LPAR4: variants seen among roughly 807,000 people sequenced by gnomAD.
LPAR4 encodes the protein G-protein coupled receptor 23.
Under a neutral mutation model 9.2 loss-of-function variants are expected in LPAR4, and 14 were observed. The observed-to-expected ratio is 1.51, with a 90% CI of 1.00 to 2.37. The LOEUF is 2.37. Among genes scored for constraint, LPAR4 ranks in the 30% most tolerant of loss-of-function variants. The probability of loss-of-function intolerance (pLI) is 0.00; values close to 1 mark genes in which losing one functional copy is unlikely to be tolerated. For missense variants in LPAR4, 251 were observed against 272.1 expected, an observed-to-expected ratio of 0.92 and a Z score of 0.55; for synonymous variants, 131 against 97.9, an observed-to-expected ratio of 1.34 and a Z score of -1.99.
At chrX:78,748,055 G>T (rs1286344990) in intron 1 of LPAR4, 21 bp downstream of exon 1, 1 of 110,438 alleles carries the variant, frequency 9.1e-6, no homozygotes, top group Non-Finnish European at 1.9e-5. Context: ...CTTTTAAAAA[G>T]ATTTGATTTT....
chrX:78,754,974 T>C lies in LPAR4; in HGVS notation c.105T>C (p.Asp35=). 1 of 1,209,059 alleles carries C rather than the reference T, an allele frequency of 8.3e-7. No homozygotes were observed. Among genetic ancestry groups the C allele is most frequent in the Non-Finnish European group, 1.1e-6 (1 of 893,240 alleles). ...CCAATAATACTTGCATTGTTGATGA[T>C]TCCTTCAAGTATAATCTCAATGGTG... ...ATANNTCIVD[D]SFKYNLNGAV... is the part of the protein sequence containing the mutation. The change falls in exon 5 of 5, where the codon GAT becomes GAC. Residue 35 remains aspartate, a synonymous_variant. Coordinates refer to ENST00000614823, the MANE Select transcript of LPAR4 (RefSeq NM_001278000.3).
At chrX:78,754,703 TC>T in intron 4 of LPAR4, 87 bp from the exon 5 acceptor site, 1 of 419,527 alleles carries the variant, frequency 2.4e-6, no homozygotes. Context: ...CATGTTTTCT[TC>T]CAATCTGGGT....
chrX:78,750,705 T>TCCTCTTC (rs1313684914), intron 2 of LPAR4, 25 bp from the exon 3 acceptor site: 3 of 109,659 alleles, frequency 2.7e-5, no homozygotes, highest in East Asian at 5.7e-4. Flanking sequence ...CAGTCATCTT[T>TCCTCTTC]CCTCTTCCCT....
In LPAR4 at chrX:78,758,205, A is replaced by G. The variant is rs1201627180; in HGVS notation, c.*2223A>G. Among the ~76,000 whole-genome samples the G allele has an allele frequency of 4.5e-5, 5 of 112,107 alleles. No individual in the cohort carries two copies. Among genetic ancestry groups the G allele is most frequent in the African/African-American group, 6.5e-5 (2 of 30,989 alleles). On this transcript the variant is annotated 3_prime_UTR_variant, in exon 5 of 5. Coordinates refer to ENST00000614823, the MANE Select transcript of LPAR4 (RefSeq NM_001278000.3). Reference sequence around the variant, plus strand: ...TGAAAAGAGGCTATAGATGGAATATATAAGGCATTAGATTCAGTTAAATAA... The same window carrying G: ...TGAAAAGAGGCTATAGATGGAATATGTAAGGCATTAGATTCAGTTAAATAA...
In LPAR4 at chrX:78,757,309, A is replaced by G. The variant is rs1013830606; in HGVS notation, c.*1327A>G. Among the ~76,000 whole-genome samples, 5 of 111,316 alleles carry G rather than the reference A, an allele frequency of 4.5e-5. No homozygotes were observed. The highest frequency in any genetic ancestry group is 1.6e-4 in the African/African-American group (5 of 30,749). ...CTGGTTAGGAACAAGTTGTGGGAAA[A>G]AAAGGTCAAAAATCAAACTGCGATA... On this transcript the variant is annotated 3_prime_UTR_variant, in exon 5 of 5. Transcript: ENST00000614823.
At chrX:78,750,132 G>A (rs1010035819) in intron 1 of LPAR4, 42 bp from the exon 2 acceptor site, 1 of 111,706 alleles carries the variant, frequency 9.0e-6, no homozygotes, top group African/African-American at 3.3e-5. Flanking sequence ...TTTCCTTTAC[G>A]ATAAACCAAT....
chrX:78,755,002 G>A lies in LPAR4; in HGVS notation c.133G>A (p.Val45Ile), dbSNP rs148919808. Residue 45 changes from valine to isoleucine, a missense_variant, in exon 5 of 5, where the codon GTC becomes ATC. Transcript: ENST00000614823. ...CTTCAAGTATAATCTCAATGGTGCT[G>A]TCTACAGTGTTGTATTCATCTTGGG... ...DSFKYNLNGA[V>I]YSVVFILGLI... The A allele has an allele frequency of 5.9e-3, 7,127 of 1,208,689 alleles. 16 individuals are homozygous for A. The highest frequency in any genetic ancestry group is 7.3e-3 in the Non-Finnish European group (6,484 of 893,928).
In LPAR4 at chrX:78,758,203, A is replaced by T. The variant is rs759220557; in HGVS notation, c.*2221A>T. On this transcript the variant is annotated 3_prime_UTR_variant, in exon 5 of 5. Coordinates refer to ENST00000614823, the MANE Select transcript of LPAR4 (RefSeq NM_001278000.3). ...TATGAAAAGAGGCTATAGATGGAAT[A>T]TATAAGGCATTAGATTCAGTTAAAT... Among the ~76,000 whole-genome samples the T allele has an allele frequency of 1.5e-4, 17 of 112,207 alleles. No individual in the cohort carries two copies. The highest frequency in any genetic ancestry group is 4.8e-4 in the African/African-American group (15 of 31,073).
Position 78,756,559 on chromosome X carries a change from G to T in LPAR4, c.*577G>T, listed in dbSNP as rs1182809737. 8.2e-6 allele frequency: 1 copy of T among 122,630 alleles called. No individual in the cohort carries two copies. Among genetic ancestry groups the T allele is most frequent in the Non-Finnish European group, 1.9e-5 (1 of 53,074 alleles). The allele number at this position is 122,630 out of a possible 1,213,427, so 10.1% of individuals were successfully genotyped here. A position where few individuals can be genotyped will look rare whatever the true frequency, so the allele number is the denominator to read the frequency against. ...GCATGTACGTGGGTGGGAAGAAAAA[G>T]AAAATTAACAGGATTTACACAATTA... On this transcript the variant is annotated 3_prime_UTR_variant, in exon 5 of 5. Coordinates refer to ENST00000614823, the MANE Select transcript of LPAR4 (RefSeq NM_001278000.3).
At position 78,756,735 on chromosome X, in the gene LPAR4, A is replaced by T. The variant is rs2147507590; in HGVS notation, c.*753A>T. The stretch of plus-strand genomic sequence containing the variant: ...TTAAAACAGGAAAGTGTCAATAAAA[A>T]AACTTGAGCAACACCAACATATTTT... On this transcript the variant is annotated 3_prime_UTR_variant, in exon 5 of 5. Transcript: ENST00000614823. 8.2e-6 allele frequency: 1 copy of T among 122,589 alleles called. No individual in the cohort carries two copies. The highest frequency in any genetic ancestry group is 3.3e-5 in the African/African-American group (1 of 30,717). 10.1% of individuals were successfully genotyped at this position (122,589 alleles called of 1,213,427 possible).
Position 78,756,151 on chromosome X carries a change from A to G in LPAR4, c.*169A>G, listed in dbSNP as rs1045977595. 1.3e-5 allele frequency: 6 copies of G among 445,739 alleles called. No homozygotes were observed. The highest frequency in any genetic ancestry group is 2.3e-5 in the Non-Finnish European group (6 of 259,317). The allele number at this position is 445,739 out of a possible 1,213,427, so 36.7% of individuals were successfully genotyped here. On this transcript the variant is annotated 3_prime_UTR_variant, in exon 5 of 5. Coordinates refer to ENST00000614823, the MANE Select transcript of LPAR4 (RefSeq NM_001278000.3). Reference sequence around the variant, plus strand: ...TTTATTGCTGTTTTGTTCAGTAATTATAGGTCAAATCTAATTACAACAACC... The same window carrying G: ...TTTATTGCTGTTTTGTTCAGTAATTGTAGGTCAAATCTAATTACAACAACC...
At chrX:78,752,275 C>G (rs951938754) in intron 4 of LPAR4, among the ~76,000 whole-genome samples, 2 of 111,690 alleles carry the variant, frequency 1.8e-5, no homozygotes, top group Non-Finnish European at 3.8e-5. Context: ...TGCCATAAAG[C>G]TAGGTTTTGT....
chrX:78,748,197 A>G (rs1924920226), intron 1 of LPAR4, among the ~76,000 whole-genome samples, 163 bp downstream of exon 1: 1 of 112,062 alleles, frequency 8.9e-6, no homozygotes, highest in African/African-American at 3.2e-5. Flanking sequence ...GTAAAAAACG[A>G]GAATTTCCAT....
At chrX:78,754,160 A>T (rs146898124) in intron 4 of LPAR4, among the ~76,000 whole-genome samples, 1,196 of 111,887 alleles carry the variant, frequency 0.011, 14 homozygotes, top group African/African-American at 0.037. Flanking sequence ...ACTTACATAA[A>T]TGTAGTTCAA....
Position 78,750,230 on chromosome X carries a change from T to A in LPAR4, c.-245+7T>A, listed in dbSNP as rs1924996070. ...AACTCTCCTTAATATTAAGGTGATCTCAATGTATCTTAAATTATCTAATCA... is the reference window on the plus strand; with the variant it reads ...AACTCTCCTTAATATTAAGGTGATCACAATGTATCTTAAATTATCTAATCA... On this transcript the variant is annotated splice_region_variant and intron_variant, in intron 2 of 4. Coordinates refer to ENST00000614823, the MANE Select transcript of LPAR4 (RefSeq NM_001278000.3). 9.0e-6 allele frequency: 1 copy of A among 111,719 alleles called. No homozygotes were observed. The highest frequency in any genetic ancestry group is 3.3e-5 in the African/African-American group (1 of 30,735). The allele number at this position is 111,719 out of a possible 1,213,427, so 9.2% of individuals were successfully genotyped here.
At position 78,756,099 on chromosome X, in the gene LPAR4, A is replaced by G; in HGVS notation, c.*117A>G. On this transcript the variant is annotated 3_prime_UTR_variant, in exon 5 of 5. Transcript: ENST00000614823. Reference sequence around the variant, plus strand: ...TAATGCACCAAATCCAGTCAGATACATTTGTTTGAAGGTATACTGTAGAGT... The same window carrying G: ...TAATGCACCAAATCCAGTCAGATACGTTTGTTTGAAGGTATACTGTAGAGT... The G allele has an allele frequency of 1.7e-6, 1 of 605,525 alleles. No homozygotes were observed. Among genetic ancestry groups the G allele is most frequent in the Non-Finnish European group, 2.6e-6 (1 of 386,426 alleles). 49.9% of individuals were successfully genotyped at this position (605,525 alleles called of 1,213,427 possible). A position where few individuals can be genotyped will look rare whatever the true frequency, so the allele number is the denominator to read the frequency against.
rs1298224274 is a variant in LPAR4, at chrX:78,758,008, C to A, written c.*2026C>A. ...ATATGCAGACTTAAAAATACTGAGA[C>A]TTTTAAGTAAAAATCTGTTAGCATA... On this transcript the variant is annotated 3_prime_UTR_variant, in exon 5 of 5. Transcript: ENST00000614823. Among the ~76,000 whole-genome samples, 1 of 111,678 alleles carries A rather than the reference C, an allele frequency of 9.0e-6. No homozygotes were observed. The highest frequency in any genetic ancestry group is 1.9e-5 in the Non-Finnish European group (1 of 52,967).
intron 4 of LPAR4, among the ~76,000 whole-genome samples, chrX:78,751,696 G>C (rs1602199271): frequency 9.0e-6 from 1 of 111,142 alleles, no homozygotes. Flanking sequence ...TGGTATATAT[G>C]ACCCTTACAG....
intron 4 of LPAR4, among the ~76,000 whole-genome samples, chrX:78,753,293 T>C (rs1267384350): frequency 8.9e-6 from 1 of 112,219 alleles, no homozygotes; most frequent in Non-Finnish European, 1.9e-5. Context: ...GATCTAATAG[T>C]TAGAAATGCT....
Sources: allele counts gnomAD v4.1 joint callset (sites outside exome capture counted in the v4.1 genomes callset), GRCh38; gene constraint gnomAD v4.1.1; transcripts MANE v1.5; gene names NCBI Gene and HGNC (gene_info 2026-07-23, HGNC 2026-07-21).